Variants in RBFOX1 observed in about 807,000 individuals in gnomAD.
RBFOX1 encodes RNA binding protein fox-1 homolog 1.
A neutral mutation model predicts 57.7 loss-of-function variants in RBFOX1; 8 were observed. The ratio of observed to expected loss-of-function variants is 0.14; its 90% CI spans 0.08 to 0.25. The LOEUF (loss-of-function observed/expected upper bound fraction) is 0.25, where lower values mean the gene tolerates loss of function less well. Ranked by LOEUF, RBFOX1 falls within the 10% of genes least tolerant of loss-of-function variation. The pLI is 1.00. For synonymous variants in RBFOX1, 326 were observed against 222.4 expected (o/e 1.47, Z -4.15); for missense variants, 611 against 548.5 (o/e 1.11, Z -1.14).
intron 2 of RBFOX1, among the ~76,000 whole-genome samples, chr16:6,337,726 C>G (rs1043437065): frequency 3.9e-5 from 6 of 152,026 alleles, no homozygotes; most frequent in African/African-American, 1.2e-4. Flanking sequence ...TTTATAAGAC[C>G]ATCTCTGTAA....
chr16:6,441,226 C>A (rs1340000930), intron 2 of RBFOX1, among the ~76,000 whole-genome samples: 2 of 151,958 alleles, frequency 1.3e-5, no homozygotes, highest in Non-Finnish European at 2.9e-5. Context: ...TCAAGTGAGC[C>A]AGGGTTCTAA....
chr16:6,859,005 C>G (rs2058403561), intron 3 of RBFOX1, among the ~76,000 whole-genome samples: 1 of 150,754 alleles, frequency 6.6e-6, no homozygotes, highest in South Asian at 2.1e-4. Flanking sequence ...GACCAGGTCA[C>G]AGGGATGTGT....
intron 3 of RBFOX1, among the ~76,000 whole-genome samples, chr16:6,751,176 A>T (rs1243056976): frequency 6.6e-6 from 1 of 152,196 alleles, no homozygotes; most frequent in Non-Finnish European, 1.5e-5. Flanking sequence ...TATTCGAAAT[A>T]CAATGGGAAA....
At chr16:5,444,727 C>G (rs2068189488) in intron 1 of RBFOX1, among the ~76,000 whole-genome samples, 1 of 152,144 alleles carries the variant, frequency 6.6e-6, no homozygotes, top group African/African-American at 2.4e-5. Flanking sequence ...AGAACAGTCA[C>G]CATGCACAGA....
At chr16:7,047,626 T>G (rs1953253227) in intron 3 of RBFOX1, among the ~76,000 whole-genome samples, 1 of 151,848 alleles carries the variant, frequency 6.6e-6, no homozygotes, top group African/African-American at 2.4e-5. Flanking sequence ...AATTTTTTTT[T>G]TTGCAGTGAA....
At chr16:7,139,784 A>C (rs552690812) in intron 4 of RBFOX1, among the ~76,000 whole-genome samples, 5 of 152,122 alleles carry the variant, frequency 3.3e-5, no homozygotes, top group African/African-American at 9.6e-5. Flanking sequence ...TTCATCGGTG[A>C]GCTTTCAGGG....
At chr16:7,508,528 C>G (rs1295525712) in intron 4 of RBFOX1, among the ~76,000 whole-genome samples, 1 of 152,082 alleles carries the variant, frequency 6.6e-6, no homozygotes, top group Non-Finnish European at 1.5e-5. Flanking sequence ...GGGGAGCTGA[C>G]ACATCCTTTT....
At chr16:5,937,289 T>C (rs1000019583) in intron 4 of RBFOX1, among the ~76,000 whole-genome samples, 1 of 152,152 alleles carries the variant, frequency 6.6e-6, no homozygotes, top group Admixed American at 6.5e-5. Context: ...TGAACAAACT[T>C]GGCAAACACT....
chr16:7,524,506 G>C (rs780446114), intron 5 of RBFOX1, among the ~76,000 whole-genome samples: 1 of 152,182 alleles, frequency 6.6e-6, no homozygotes, highest in Non-Finnish European at 1.5e-5. Flanking sequence ...ATTATCATTA[G>C]AGATTTGCAA....
At chr16:6,523,489 T>TG (rs1567548836) in intron 2 of RBFOX1, among the ~76,000 whole-genome samples, 2 of 152,124 alleles carry the variant, frequency 1.3e-5, no homozygotes, top group Admixed American at 6.6e-5. Flanking sequence ...AGTCTTTCAG[T>TG]GGGGTGTGCC....
chr16:6,887,641 G>A (rs1806971794), intron 3 of RBFOX1, among the ~76,000 whole-genome samples: 1 of 150,280 alleles, frequency 6.7e-6, no homozygotes, highest in Non-Finnish European at 1.5e-5. Flanking sequence ...GAAGGGTTTG[G>A]TTGTTTTTGC....
chr16:7,033,144 A>C (rs1174206172), intron 3 of RBFOX1, among the ~76,000 whole-genome samples: 1 of 152,212 alleles, frequency 6.6e-6, no homozygotes, highest in Non-Finnish European at 1.5e-5. Flanking sequence ...AAGTGCAGTA[A>C]GCAGGTTCTG....
chr16:6,445,187 C>G (rs149635852), intron 2 of RBFOX1, among the ~76,000 whole-genome samples: 1 of 152,106 alleles, frequency 6.6e-6, no homozygotes, highest in African/African-American at 2.4e-5. Flanking sequence ...TAAGAGAGAA[C>G]AGACTGCAGA....
rs140431788 is a variant in RBFOX1 at position 6,388,218 on chromosome 16, G to A, written c.-64+71161G>A. On this transcript the variant is annotated intron_variant, in intron 2 of 15. Coordinates refer to ENST00000550418, the MANE Select transcript of RBFOX1 (RefSeq NM_018723.4). The stretch of plus-strand genomic sequence containing the variant: ...CCTGACCTTGTGATCCACCAACCTC[G>A]GCCTCCCAAAGTTCTGGGATTACAG... 2.3e-3 allele frequency among the ~76,000 whole-genome samples: 352 copies of A among 151,946 alleles called. 2 individuals carry two copies. Among genetic ancestry groups the A allele is most frequent in the African/African-American group, 8.1e-3 (335 of 41,432 alleles).
Position 7,004,337 on chromosome 16 carries a change from C to G in RBFOX1, c.-15-47720C>G, listed in dbSNP as rs533101138. Among the ~76,000 whole-genome samples, 5 of 152,146 alleles carry G rather than the reference C, an allele frequency of 3.3e-5. No individual in the cohort carries two copies. The East Asian group carries it at 9.7e-4, about 29-fold the overall frequency. On this transcript the variant is annotated intron_variant, in intron 3 of 15. Transcript: ENST00000550418. ...AAGGTTATATTTGTGTATTAAACTC[C>G]TCAACATCAGGGTAAAAGCAAAGAC... is the stretch of plus-strand genomic sequence containing the variant.
At chr16:6,518,723 A>G (rs180850076) in intron 2 of RBFOX1, among the ~76,000 whole-genome samples, 11 of 151,708 alleles carry the variant, frequency 7.3e-5, no homozygotes, top group African/African-American at 1.5e-4. Flanking sequence ...CCGTCCGTCC[A>G]TCCATCCATC....
intron 4 of RBFOX1, among the ~76,000 whole-genome samples, chr16:5,924,099 C>A (rs974135594): frequency 6.6e-6 from 1 of 152,020 alleles, no homozygotes; most frequent in African/African-American, 2.4e-5. Context: ...TCTGGTAGTT[C>A]CCCTCCTTGC....
intron 1 of RBFOX1, among the ~76,000 whole-genome samples, chr16:6,048,902 G>T (rs1278401589): frequency 2.0e-5 from 3 of 152,178 alleles, no homozygotes; most frequent in South Asian, 4.2e-4. Context: ...GTGGGTTTCT[G>T]TCCTTTTTAG....
intron 4 of RBFOX1, among the ~76,000 whole-genome samples, chr16:5,935,516 G>C (rs960457373): frequency 6.6e-6 from 1 of 152,200 alleles, no homozygotes; most frequent in African/African-American, 2.4e-5. Context: ...GGGGTGATTA[G>C]GGCCGGTGGA....
Sources: allele counts gnomAD v4.1 joint callset (sites outside exome capture counted in the v4.1 genomes callset), GRCh38; gene constraint gnomAD v4.1.1; transcripts MANE v1.5; gene names NCBI Gene and HGNC (gene_info 2026-07-23, HGNC 2026-07-21).